KSR2: variants seen among roughly 807,000 people sequenced by gnomAD.
The protein encoded by KSR2 is kinase suppressor of ras 2.
A neutral mutation model predicts 107.8 loss-of-function variants in KSR2; 25 were observed. The ratio of observed to expected loss-of-function variants is 0.23; its 90% CI spans 0.17 to 0.32. The LOEUF (loss-of-function observed/expected upper bound fraction) is 0.32, where lower values mean the gene tolerates loss of function less well. Ranked by LOEUF, KSR2 falls within the 10% of genes least tolerant of loss-of-function variation. KSR2 has a pLI of 1.00. For missense variants in KSR2, 887 were observed against 1,268.9 expected, an observed-to-expected ratio of 0.70 and a Z score of 4.57; for synonymous variants, 480 against 507.0, an observed-to-expected ratio of 0.95 and a Z score of 0.71.
chr12:117,767,768 G>C (rs1889293220), intron 3 of KSR2, among the ~76,000 whole-genome samples: 1 of 129,774 alleles, frequency 7.7e-6, no homozygotes, highest in African/African-American at 3.1e-5. Flanking sequence ...CTGGGAGACA[G>C]AGCAAGACTC....
chr12:117,732,910 T>C (rs1016555976), intron 4 of KSR2, among the ~76,000 whole-genome samples: 15 of 152,120 alleles, frequency 9.9e-5, no homozygotes, highest in African/African-American at 3.4e-4. Context: ...TGCCCCGCCC[T>C]GCGAGAGGGT....
At chr12:117,754,421 TGAGGTCGGGAGTTCAA>T (rs1055225256) in intron 4 of KSR2, among the ~76,000 whole-genome samples, 1 of 152,082 alleles carries the variant, frequency 6.6e-6, no homozygotes, top group African/African-American at 2.4e-5. Flanking sequence ...GAAGATCACC[TGAGGTCGGGAGTTCAA>T]GACCAGCCTG....
intron 7 of KSR2, among the ~76,000 whole-genome samples, chr12:117,577,575 T>C (rs1879361275): frequency 6.6e-6 from 1 of 152,100 alleles, no homozygotes; most frequent in Non-Finnish European, 1.5e-5. Context: ...AAAAACAGGT[T>C]TAATGGACTC....
At chr12:117,953,447 A>G (rs1593400351) in intron 1 of KSR2, among the ~76,000 whole-genome samples, 1 of 152,368 alleles carries the variant, frequency 6.6e-6, no homozygotes, top group East Asian at 1.9e-4. Context: ...AACTTGATAG[A>G]TGAATACACA....
intron 3 of KSR2, among the ~76,000 whole-genome samples, chr12:117,810,442 C>T (rs1424680283): frequency 6.6e-6 from 1 of 152,196 alleles, no homozygotes; most frequent in Non-Finnish European, 1.5e-5. Context: ...TCCAGAGTAA[C>T]TAGGACTTAC....
At chr12:117,475,276 C>T (rs1037024526) in intron 17 of KSR2, among the ~76,000 whole-genome samples, 14 of 152,136 alleles carry the variant, frequency 9.2e-5, no homozygotes, top group African/African-American at 2.9e-4. Flanking sequence ...TTAACTCAAC[C>T]TTTAAGTCCT....
intron 5 of KSR2, among the ~76,000 whole-genome samples, chr12:117,619,641 TGA>T (rs1331886223): frequency 6.6e-6 from 1 of 151,290 alleles, no homozygotes; most frequent in African/African-American, 2.4e-5. Context: ...ACTGTATATG[TGA>T]GTGTTGTTAT....
In KSR2 at chr12:117,627,406, A is replaced by C. The variant is rs1159747730; in HGVS notation, c.1171+40068T>G. Among the ~76,000 whole-genome samples the C allele has an allele frequency of 2.0e-5, 3 of 152,144 alleles. No individual in the cohort carries two copies. The East Asian group carries it at 5.8e-4, about 29-fold the overall frequency. On this transcript the variant is annotated intron_variant, in intron 5 of 19. Transcript: ENST00000339824. Reference sequence around the variant, plus strand: ...TGTAAGGCAGGCCTGGTGGTGACAAAATCTCTCAGCATTTACTTGTCCGTA... The same window carrying C: ...TGTAAGGCAGGCCTGGTGGTGACAACATCTCTCAGCATTTACTTGTCCGTA...
At chr12:117,900,779 C>A (rs1894657128) in intron 1 of KSR2, among the ~76,000 whole-genome samples, 1 of 152,030 alleles carries the variant, frequency 6.6e-6, no homozygotes, top group South Asian at 2.1e-4. Context: ...GCGGCTAGTG[C>A]CTCTATATTA....
At chr12:117,798,731 A>ATG (rs1266183029) in intron 3 of KSR2, among the ~76,000 whole-genome samples, 48 of 148,576 alleles carry the variant, frequency 3.2e-4, no homozygotes, top group African/African-American at 1.2e-3. Flanking sequence ...ATATATATAT[A>ATG]TATATCAACC....
intron 5 of KSR2, among the ~76,000 whole-genome samples, chr12:117,627,790 G>GAAAACCA (rs1882600899): frequency 6.6e-6 from 1 of 152,188 alleles, no homozygotes. Flanking sequence ...ATATACTGAA[G>GAAAACCA]AGTGTTTTCC....
intron 3 of KSR2, among the ~76,000 whole-genome samples, chr12:117,817,244 G>A (rs1204609800): frequency 1.3e-5 from 2 of 152,160 alleles, no homozygotes; most frequent in African/African-American, 4.8e-5. Context: ...CTGACAAAGA[G>A]CAGTCCCTTA....
chr12:117,494,405 C>G (rs865965621), intron 14 of KSR2, among the ~76,000 whole-genome samples: 1 of 152,226 alleles, frequency 6.6e-6, no homozygotes. Context: ...GTGGCTGGCA[C>G]TACCCCAACC....
intron 14 of KSR2, among the ~76,000 whole-genome samples, chr12:117,490,370 G>T (rs189528422): frequency 4.5e-4 from 69 of 152,314 alleles, no homozygotes; most frequent in African/African-American, 1.6e-3. Context: ...AATACAGGCT[G>T]ACATGTCCTG....
At chr12:117,571,113 C>A (rs1425219816) in intron 7 of KSR2, among the ~76,000 whole-genome samples, 1 of 152,040 alleles carries the variant, frequency 6.6e-6, no homozygotes, top group Non-Finnish European at 1.5e-5. Flanking sequence ...CAAAAATTAG[C>A]CGGACATGGT....
intron 4 of KSR2, among the ~76,000 whole-genome samples, chr12:117,706,569 G>A (rs936736250): frequency 8.6e-5 from 13 of 151,986 alleles, no homozygotes; most frequent in Admixed American, 2.6e-4. Flanking sequence ...ACAGAAAGCC[G>A]ATCAGTGGTT....
chr12:117,536,746 G>A (rs1009883075), intron 10 of KSR2, among the ~76,000 whole-genome samples: 8 of 152,160 alleles, frequency 5.3e-5, no homozygotes, highest in Non-Finnish European at 1.0e-4. Context: ...TTGGTTATAC[G>A]GATATATGTG....
intron 8 of KSR2, among the ~76,000 whole-genome samples, chr12:117,558,169 T>A (rs1877838442): frequency 6.6e-6 from 1 of 152,160 alleles, no homozygotes; most frequent in Non-Finnish European, 1.5e-5. Flanking sequence ...GCCAGTGCTC[T>A]TTTTTTGGTG....
chr12:117,469,580 A>G, intron 19 of KSR2, 82 bp downstream of exon 19: 1 of 1,518,952 alleles, frequency 6.6e-7, no homozygotes, highest in East Asian at 2.4e-5. Context: ...GGGAGGAGTA[A>G]AAAAGATGCA....
Sources: gnomAD v4.1 joint callset for allele counts (sites outside exome capture counted in the v4.1 genomes callset) on GRCh38, gnomAD v4.1.1 for gene constraint, MANE v1.5 for transcripts, NCBI Gene and HGNC (gene_info 2026-07-23, HGNC 2026-07-21) for gene names.